CAMTA1: variants seen among roughly 807,000 people sequenced by gnomAD.
CAMTA1 encodes the protein calmodulin binding transcription activator 1.
A neutral mutation model predicts 170.9 loss-of-function variants in CAMTA1; 27 were observed. That is an observed-to-expected ratio of 0.16 (90% CI 0.12 to 0.22). The LOEUF is 0.22. Among genes scored for constraint, CAMTA1 ranks in the 10% least tolerant of loss-of-function variants. The pLI is 1.00. For missense variants in CAMTA1, 1,619 were observed against 2,217.2 expected, an observed-to-expected ratio of 0.73 and a Z score of 5.42; for synonymous variants, 833 against 891.5, an observed-to-expected ratio of 0.93 and a Z score of 1.17.
intron 5 of CAMTA1, among the ~76,000 whole-genome samples, chr1:7,466,293 C>A (rs1358086840): frequency 6.6e-6 from 1 of 152,160 alleles, no homozygotes; most frequent in African/African-American, 2.4e-5. Context: ...ATTTCATGGG[C>A]AAGAATTGCA....
intron 7 of CAMTA1, among the ~76,000 whole-genome samples, chr1:7,660,656 G>A (rs2095947660): frequency 6.6e-6 from 1 of 152,218 alleles, no homozygotes; most frequent in African/African-American, 2.4e-5. Flanking sequence ...CAGAACTGGG[G>A]CCAGTGCTGC....
intron 10 of CAMTA1, 32 bp downstream of exon 10, chr1:7,671,069 G>T (rs201589912): frequency 1.2e-6 from 2 of 1,610,004 alleles, no homozygotes; most frequent in African/African-American, 1.3e-5. Flanking sequence ...CCCCCAAGGT[G>T]AGTGTGATGG....
chr1:6,815,140 TTAGA>T (rs1030783694), intron 1 of CAMTA1, among the ~76,000 whole-genome samples: 4 of 152,308 alleles, frequency 2.6e-5, no homozygotes, highest in Admixed American at 1.3e-4. Context: ...ATTGTTTCAA[TTAGA>T]TAGTATACTT....
At chr1:7,003,255 A>G (rs889531174) in intron 3 of CAMTA1, among the ~76,000 whole-genome samples, 1 of 152,234 alleles carries the variant, frequency 6.6e-6, no homozygotes, top group Non-Finnish European at 1.5e-5. Flanking sequence ...TATTTAGAAC[A>G]GTGATACCTG....
chr1:7,717,878 G>T (rs1051265178), intron 11 of CAMTA1, among the ~76,000 whole-genome samples: 5 of 152,130 alleles, frequency 3.3e-5, no homozygotes, highest in African/African-American at 1.2e-4. Flanking sequence ...TCTGTACCTT[G>T]TTCTTCTTGA....
intron 5 of CAMTA1, among the ~76,000 whole-genome samples, chr1:7,335,949 T>G (rs537574900): frequency 6.6e-6 from 1 of 152,282 alleles, no homozygotes; most frequent in African/African-American, 2.4e-5. Context: ...ATCAAACTAA[T>G]TAAAATGTAA....
intron 5 of CAMTA1, among the ~76,000 whole-genome samples, chr1:7,449,284 C>G (rs1184269757): frequency 6.6e-6 from 1 of 152,166 alleles, no homozygotes; most frequent in South Asian, 2.1e-4. Flanking sequence ...ACGTGGTGTG[C>G]GTGGGCCAAG....
At chr1:6,926,418 CTT>C (rs1683115261) in intron 3 of CAMTA1, among the ~76,000 whole-genome samples, 2 of 141,200 alleles carry the variant, frequency 1.4e-5, no homozygotes, top group Non-Finnish European at 3.1e-5. Flanking sequence ...TCTCTCTTTT[CTT>C]TTCTCTTTCT....
intron 4 of CAMTA1, among the ~76,000 whole-genome samples, chr1:7,118,375 C>T (rs1644458526): frequency 6.6e-6 from 1 of 150,398 alleles, no homozygotes; most frequent in African/African-American, 2.5e-5. Flanking sequence ...TCACTGCAAC[C>T]TCGATCTCCT....
At chr1:7,656,453 A>T (rs1346375073) in intron 7 of CAMTA1, among the ~76,000 whole-genome samples, 2 of 152,214 alleles carry the variant, frequency 1.3e-5, no homozygotes, top group East Asian at 3.9e-4. Flanking sequence ...CACCCATGTG[A>T]CCTCACTTAA....
At chr1:7,707,393 T>C (rs377498392) in intron 11 of CAMTA1, among the ~76,000 whole-genome samples, 2 of 152,236 alleles carry the variant, frequency 1.3e-5, no homozygotes, top group African/African-American at 4.8e-5. Flanking sequence ...GAGGCTCTTT[T>C]TGAAACAGGT....
chr1:7,363,574 A>G (rs1412832074), intron 5 of CAMTA1, among the ~76,000 whole-genome samples: 1 of 152,276 alleles, frequency 6.6e-6, no homozygotes, highest in East Asian at 1.9e-4. Context: ...CCAGTGAGTG[A>G]CATTTCACAG....
chr1:6,881,960 C>A (rs895563550), intron 3 of CAMTA1, among the ~76,000 whole-genome samples: 2 of 152,074 alleles, frequency 1.3e-5, no homozygotes, highest in Non-Finnish European at 2.9e-5. Context: ...GTGTGAGACT[C>A]TGTCTCAAAA....
intron 3 of CAMTA1, among the ~76,000 whole-genome samples, chr1:6,898,992 C>CT (rs1676271599): frequency 6.6e-6 from 1 of 152,146 alleles, no homozygotes; most frequent in African/African-American, 2.4e-5. Flanking sequence ...TACCCACAAG[C>CT]TCGCCTGTGG....
At chr1:7,244,041 C>T (rs1402930954) in intron 4 of CAMTA1, among the ~76,000 whole-genome samples, 1 of 152,066 alleles carries the variant, frequency 6.6e-6, no homozygotes, top group South Asian at 2.1e-4. Context: ...AACAAATTTA[C>T]AAGAAAAAAA....
At chr1:7,593,549 G>A (rs2095370621) in intron 6 of CAMTA1, among the ~76,000 whole-genome samples, 1 of 150,306 alleles carries the variant, frequency 6.7e-6, no homozygotes, top group African/African-American at 2.5e-5. Context: ...GAGTGCAGTG[G>A]CGTGATCTTG....
intron 5 of CAMTA1, among the ~76,000 whole-genome samples, chr1:7,363,910 C>T (rs2085766522): frequency 1.3e-5 from 2 of 152,212 alleles, no homozygotes; most frequent in African/African-American, 4.8e-5. Context: ...GGACCGGGAA[C>T]ACTTGGGAAC....
chr1:6,963,322 C>T (rs1374588018), intron 3 of CAMTA1, among the ~76,000 whole-genome samples: 4 of 140,624 alleles, frequency 2.8e-5, no homozygotes, highest in African/African-American at 1.0e-4. Flanking sequence ...TGACTGGCCC[C>T]GCCCTCCATC....
chr1:6,875,897 G>A (rs901294151), intron 3 of CAMTA1, among the ~76,000 whole-genome samples: 1 of 152,226 alleles, frequency 6.6e-6, no homozygotes, highest in Non-Finnish European at 1.5e-5. Context: ...GTGCACATAT[G>A]GATCTGTGCT....
Sources: gnomAD v4.1 joint callset for allele counts (sites outside exome capture counted in the v4.1 genomes callset) on GRCh38, gnomAD v4.1.1 for gene constraint, MANE v1.5 for transcripts, NCBI Gene and HGNC (gene_info 2026-07-23, HGNC 2026-07-21) for gene names.